MVB12B: variants seen among roughly 807,000 people sequenced by gnomAD.
MVB12B encodes multivesicular body subunit 12B.
In MVB12B, 16 loss-of-function variants were observed where a neutral mutation model predicts 41.6. That is an observed-to-expected ratio of 0.38 (90% CI 0.26 to 0.58). The LOEUF (loss-of-function observed/expected upper bound fraction) is 0.58. Ranked by LOEUF, MVB12B falls within the 20% of genes least tolerant of loss-of-function variation. The pLI is 0.62. For missense variants in MVB12B, 274 were observed against 380.2 expected (o/e 0.72, Z 2.32); for synonymous variants, 133 against 139.7 (o/e 0.95, Z 0.34).
intron 7 of MVB12B, among the ~76,000 whole-genome samples, chr9:126,438,341 C>A (rs1312047512): frequency 6.6e-6 from 1 of 150,894 alleles, no homozygotes; most frequent in East Asian, 1.9e-4. Context: ...TACATAATCC[C>A]AAAAGTCTTT....
At chr9:126,409,715 G>A (rs561971322) in intron 6 of MVB12B, among the ~76,000 whole-genome samples, 2 of 152,312 alleles carry the variant, frequency 1.3e-5, no homozygotes, top group African/African-American at 2.4e-5. Context: ...CCTCCCCTGC[G>A]GAGCTGGGAC....
intron 2 of MVB12B, among the ~76,000 whole-genome samples, chr9:126,364,934 A>G (rs951861438): frequency 6.7e-6 from 1 of 149,962 alleles, no homozygotes. Context: ...TGTATTTTTT[A>G]GTAGAGACGG....
chr9:126,404,042 C>T (rs186518044), intron 6 of MVB12B, among the ~76,000 whole-genome samples: 194 of 149,374 alleles, frequency 1.3e-3, no homozygotes, highest in Non-Finnish European at 2.1e-3. Context: ...CAACCTCTGC[C>T]TCCTGGGTTC....
At chr9:126,360,795 C>T (rs779253359) in intron 2 of MVB12B, among the ~76,000 whole-genome samples, 15 of 152,168 alleles carry the variant, frequency 9.9e-5, no homozygotes, top group Non-Finnish European at 2.1e-4. Context: ...GATATGTCCT[C>T]GTGATTAATT....
At chr9:126,435,298 G>A (rs1190279453) in intron 7 of MVB12B, among the ~76,000 whole-genome samples, 3 of 152,238 alleles carry the variant, frequency 2.0e-5, no homozygotes, top group Non-Finnish European at 4.4e-5. Flanking sequence ...TAAAAGTCCA[G>A]CCGGGGATGG....
intron 9 of MVB12B, among the ~76,000 whole-genome samples, chr9:126,487,984 C>T (rs1344617225): frequency 1.3e-5 from 2 of 152,210 alleles, no homozygotes; most frequent in East Asian, 3.8e-4. Flanking sequence ...CACAGCCATT[C>T]GCGTAACGTT....
intron 6 of MVB12B, among the ~76,000 whole-genome samples, chr9:126,400,676 C>T: frequency 6.6e-6 from 1 of 152,226 alleles, no homozygotes; most frequent in Non-Finnish European, 1.5e-5. Flanking sequence ...GATGCTGCTT[C>T]TGTATCTGAC....
At chr9:126,482,482 A>G (rs367552886) in intron 8 of MVB12B, among the ~76,000 whole-genome samples, 27 of 152,226 alleles carry the variant, frequency 1.8e-4, no homozygotes, top group African/African-American at 6.3e-4. Flanking sequence ...GCGGAGCTCC[A>G]GGAACTTCAG....
At chr9:126,414,649 G>A (rs1041234500) in intron 6 of MVB12B, among the ~76,000 whole-genome samples, 1 of 152,014 alleles carries the variant, frequency 6.6e-6, no homozygotes, top group Non-Finnish European at 1.5e-5. Flanking sequence ...ACAGTTTCTC[G>A]AGCCTTTGAG....
At chr9:126,411,978 G>T (rs1055990199) in intron 6 of MVB12B, among the ~76,000 whole-genome samples, 1 of 152,140 alleles carries the variant, frequency 6.6e-6, no homozygotes, top group Non-Finnish European at 1.5e-5. Context: ...AGCTGAAAAT[G>T]ATTCATTTTA....
At chr9:126,446,404 C>T (rs1353816711) in intron 7 of MVB12B, among the ~76,000 whole-genome samples, 2 of 147,008 alleles carry the variant, frequency 1.4e-5, no homozygotes, top group Non-Finnish European at 3.0e-5. Context: ...TAAGATTAGG[C>T]TTTTTGCTTA....
At chr9:126,350,715 C>T (rs2118857789) in intron 2 of MVB12B, among the ~76,000 whole-genome samples, 1 of 152,302 alleles carries the variant, frequency 6.6e-6, no homozygotes, top group East Asian at 1.9e-4. Context: ...AATGAATGAG[C>T]CCTCATGATC....
chr9:126,467,423 C>T (rs1833222995), intron 7 of MVB12B, among the ~76,000 whole-genome samples: 1 of 152,202 alleles, frequency 6.6e-6, no homozygotes, highest in Non-Finnish European at 1.5e-5. Context: ...GGCGAAGGTG[C>T]TGTGTAGCAG....
intron 7 of MVB12B, among the ~76,000 whole-genome samples, chr9:126,437,247 G>A (rs553322554): frequency 4.6e-5 from 7 of 152,172 alleles, no homozygotes; most frequent in East Asian, 1.9e-4. Flanking sequence ...TATGTAGTTC[G>A]GATATTTAAA....
At position 126,340,036 on chromosome 9, in the gene MVB12B, G is replaced by C. The variant is rs889778684; in HGVS notation, c.82-472G>C. ...TATTTCTGTGTTTGCAACATTCCTT[G>C]CTTCTTTGCAAAGCTCTGCGTGCTG... On this transcript the variant is annotated intron_variant, in intron 1 of 9. Coordinates refer to ENST00000361171, the MANE Select transcript of MVB12B (RefSeq NM_033446.3). This position sits in a 1 kb window ranked among gnomAD's most constrained non-coding sequence, Gnocchi z 4.0. 1.3e-5 allele frequency among the ~76,000 whole-genome samples: 2 copies of C among 152,126 alleles called. No individual in the cohort carries two copies. The highest frequency in any genetic ancestry group is 2.4e-5 in the African/African-American group (1 of 41,416).
At chr9:126,342,895 G>A (rs1829487046) in intron 2 of MVB12B, among the ~76,000 whole-genome samples, 1 of 152,210 alleles carries the variant, frequency 6.6e-6, no homozygotes, top group African/African-American at 2.4e-5. Flanking sequence ...AGATGAGGAA[G>A]CCCTGCTGCG....
Position 126,481,398 on chromosome 9 carries a change from G to C in MVB12B, c.787G>C (p.Glu263Gln), listed in dbSNP as rs772034708. The C allele has an allele frequency of 7.4e-6, 12 of 1,613,730 alleles. No homozygotes were observed. Among genetic ancestry groups the C allele is most frequent in the Non-Finnish European group, 7.6e-6 (9 of 1,179,894 alleles). ...AMDGVPFMIS[E>Q]KFSCVPESMQ... ...GGATGGTGTGCCTTTTATGATTTCA[G>C]AGAAGTTTTCTTGTGTTCCAGAAAG... The change falls in exon 8 of 10, where the codon GAG becomes CAG. Residue 263 changes from glutamate (E) to glutamine (Q), a missense_variant. Coordinates refer to ENST00000361171, the MANE Select transcript of MVB12B (RefSeq NM_033446.3).
chr9:126,467,640 G>C (rs1462354007), intron 7 of MVB12B, among the ~76,000 whole-genome samples: 1 of 152,112 alleles, frequency 6.6e-6, no homozygotes, highest in Admixed American at 6.5e-5. Context: ...CTTTATATTG[G>C]TATGGACTAG....
At chr9:126,422,741 G>A (rs1024907630) in intron 7 of MVB12B, among the ~76,000 whole-genome samples, 1 of 152,120 alleles carries the variant, frequency 6.6e-6, no homozygotes, top group African/African-American at 2.4e-5. Context: ...ATAATGAATC[G>A]GTTATTTAAA....
Sources: gnomAD v4.1 joint callset for allele counts (sites outside exome capture counted in the v4.1 genomes callset) on GRCh38, gnomAD v4.1.1 for gene constraint, Gnocchi (gnomAD v3.1) non-coding constraint, MANE v1.5 for transcripts, NCBI Gene and HGNC (gene_info 2026-07-23, HGNC 2026-07-21) for gene names.